Variants in CYP39A1 observed in about 807,000 individuals in gnomAD.
The protein encoded by CYP39A1 is 24-hydroxycholesterol 7-alpha-hydroxylase.
Under a neutral mutation model 58.1 loss-of-function variants are expected in CYP39A1, and 49 were observed. The observed-to-expected ratio is 0.84, with a 90% CI of 0.67 to 1.07. CYP39A1 has a LOEUF of 1.07. Among genes scored for constraint, CYP39A1 ranks in the 50% least tolerant of loss-of-function variants. The pLI is 0.00. For missense variants in CYP39A1, 531 were observed against 539.4 expected (o/e 0.98, Z 0.16); for synonymous variants, 209 against 187.6 (o/e 1.11, Z -0.93).
At chr6:46,605,709 G>A (rs1303835504) in intron 7 of CYP39A1, among the ~76,000 whole-genome samples, 2 of 151,974 alleles carry the variant, frequency 1.3e-5, no homozygotes, top group African/African-American at 4.8e-5. Flanking sequence ...CCTGAGATGG[G>A]GTCCAAACAA....
At chr6:46,554,109 G>T (rs919722456) in intron 10 of CYP39A1, among the ~76,000 whole-genome samples, 18 of 152,174 alleles carry the variant, frequency 1.2e-4, no homozygotes, top group African/African-American at 4.1e-4. Context: ...ATAAATGACA[G>T]TCCCAAGTCT....
intron 10 of CYP39A1, among the ~76,000 whole-genome samples, chr6:46,564,141 T>C (rs1771145703): frequency 1.1e-5 from 1 of 95,120 alleles, no homozygotes; most frequent in East Asian, 2.1e-4. Context: ...TTTTATTCTA[T>C]TCTATTTTAT....
At chr6:46,600,418 G>T (rs1339428934) in intron 7 of CYP39A1, among the ~76,000 whole-genome samples, 2 of 151,876 alleles carry the variant, frequency 1.3e-5, no homozygotes, top group Non-Finnish European at 2.9e-5. Context: ...ACCCTGCCCA[G>T]CAAATAAGCC....
chr6:46,579,491 A>G (rs764124392), intron 10 of CYP39A1, among the ~76,000 whole-genome samples: 1 of 152,130 alleles, frequency 6.6e-6, no homozygotes, highest in Non-Finnish European at 1.5e-5. Flanking sequence ...TCAACCTAGT[A>G]CTAGAAGTCC....
At chr6:46,635,208 T>A (rs1011562532) in intron 5 of CYP39A1, among the ~76,000 whole-genome samples, 3 of 152,266 alleles carry the variant, frequency 2.0e-5, no homozygotes, top group African/African-American at 7.2e-5. Context: ...TGAAGAGTTT[T>A]TTTAAATGAT....
At chr6:46,565,635 T>A (rs1234542202) in intron 10 of CYP39A1, among the ~76,000 whole-genome samples, 1 of 152,196 alleles carries the variant, frequency 6.6e-6, no homozygotes, top group Non-Finnish European at 1.5e-5. Context: ...GAAGGTCATG[T>A]AACCAGGGCA....
At chr6:46,645,680 A>C (rs1762277542) in intron 1 of CYP39A1, among the ~76,000 whole-genome samples, 2 of 152,154 alleles carry the variant, frequency 1.3e-5, no homozygotes, top group African/African-American at 4.8e-5. Context: ...TAAATTTTAG[A>C]ATAACCTTGT....
chr6:46,573,328 C>T (rs1771689219), intron 10 of CYP39A1, among the ~76,000 whole-genome samples: 1 of 152,056 alleles, frequency 6.6e-6, no homozygotes, highest in Non-Finnish European at 1.5e-5. Flanking sequence ...TGGGTGAGTG[C>T]TATGCTAAGT....
chr6:46,580,693 T>A (rs1375076578), intron 10 of CYP39A1, among the ~76,000 whole-genome samples: 1 of 151,730 alleles, frequency 6.6e-6, no homozygotes, highest in African/African-American at 2.4e-5. Flanking sequence ...GCAAATAATA[T>A]GAACAGACAT....
intron 10 of CYP39A1, among the ~76,000 whole-genome samples, chr6:46,579,777 C>T (rs1006989500): frequency 6.6e-6 from 1 of 151,922 alleles, no homozygotes; most frequent in African/African-American, 2.4e-5. Flanking sequence ...ACATAAAATA[C>T]CTAGGAACAC....
At chr6:46,559,755 C>T (rs532798450) in intron 10 of CYP39A1, among the ~76,000 whole-genome samples, 3 of 152,290 alleles carry the variant, frequency 2.0e-5, no homozygotes, top group Non-Finnish European at 4.4e-5. Flanking sequence ...GAATGTAACA[C>T]ACCTGTCTTT....
chr6:46,622,820 GC>G (rs1775050248), intron 7 of CYP39A1, among the ~76,000 whole-genome samples: 1 of 152,152 alleles, frequency 6.6e-6, no homozygotes. Flanking sequence ...TCACAAAGGA[GC>G]CCCAAAAAGC....
intron 7 of CYP39A1, among the ~76,000 whole-genome samples, chr6:46,600,259 A>C (rs2150530422): frequency 6.6e-6 from 1 of 151,992 alleles, no homozygotes; most frequent in Non-Finnish European, 1.5e-5. Context: ...TGCTGGGATT[A>C]CCAGCAAGTG....
intron 7 of CYP39A1, among the ~76,000 whole-genome samples, chr6:46,600,043 TTTGCAATTTC>T (rs1169318679): frequency 3.3e-5 from 5 of 152,144 alleles, no homozygotes; most frequent in African/African-American, 9.7e-5. Context: ...TCCTAAAACC[TTTGCAATTTC>T]TTGAATGATA....
intron 7 of CYP39A1, among the ~76,000 whole-genome samples, chr6:46,596,896 G>A (rs995847060): frequency 2.6e-5 from 4 of 152,078 alleles, no homozygotes; most frequent in Non-Finnish European, 5.9e-5. Flanking sequence ...CTTTCAATTT[G>A]TTTTTGACAG....
chr6:46,594,961 T>TA (rs1458893941), intron 8 of CYP39A1, among the ~76,000 whole-genome samples: 2 of 151,458 alleles, frequency 1.3e-5, no homozygotes, highest in Admixed American at 6.6e-5. Context: ...AACTCACTAG[T>TA]AAAAAACAAA....
At chr6:46,616,213 TCC>T (rs1774580508) in intron 7 of CYP39A1, among the ~76,000 whole-genome samples, 1 of 10,678 alleles carries the variant, frequency 9.4e-5, no homozygotes, top group African/African-American at 4.0e-4. Flanking sequence ...CCTCCCTCCC[TCC>T]CTCCCTCCCT....
intron 7 of CYP39A1, among the ~76,000 whole-genome samples, chr6:46,616,691 G>T (rs1008535044): frequency 6.6e-6 from 1 of 152,082 alleles, no homozygotes; most frequent in African/African-American, 2.4e-5. Flanking sequence ...GTCATATAAC[G>T]GGAGTGCAAC....
At chr6:46,582,442 C>T (rs1258320726) in intron 10 of CYP39A1, among the ~76,000 whole-genome samples, 5 of 152,140 alleles carry the variant, frequency 3.3e-5, no homozygotes, top group African/African-American at 1.2e-4. Context: ...CCAAATATAT[C>T]ATCGCCTTGC....
Sources: allele counts gnomAD v4.1 joint callset (sites outside exome capture counted in the v4.1 genomes callset), GRCh38; gene constraint gnomAD v4.1.1; transcripts MANE v1.5; gene names NCBI Gene and HGNC (gene_info 2026-07-23, HGNC 2026-07-21).